The following CCSER2 variants were observed in gnomAD, a reference collection of about 807,000 sequenced individuals.
The protein encoded by CCSER2 is coiled-coil serine rich protein 2.
CCSER2 carries 46 observed loss-of-function variants against 92.3 expected under a neutral mutation model. The observed-to-expected ratio is 0.50, with a 90% confidence interval of 0.39 to 0.64. CCSER2 has a LOEUF of 0.64. Among genes scored for constraint, CCSER2 ranks in the 30% least tolerant of loss-of-function variants. The pLI, the probability that CCSER2 is intolerant of heterozygous loss-of-function variation, is 0.00. For missense variants in CCSER2, 1,244 were observed against 1,238.9 expected, an observed-to-expected ratio of 1.00 and a Z score of -0.06; for synonymous variants, 433 against 431.4, an observed-to-expected ratio of 1.00 and a Z score of -0.04.
intron 9 of CCSER2, chr10:84,499,893 T>G (rs767598121): frequency 6.2e-7 from 1 of 1,614,052 alleles, no homozygotes; most frequent in Non-Finnish European, 8.5e-7. Context: ...TTCTGCTCCC[T>G]CCTTCTCTCC....
chr10:84,338,298 A>C lies in CCSER2; in HGVS notation c.-40+9490A>C, dbSNP rs1000185070. Among the ~76,000 whole-genome samples, 28 of 39,444 alleles carry C rather than the reference A, an allele frequency of 7.1e-4. No homozygotes were observed. The East Asian group carries it at 8.3e-3, about 12-fold the overall frequency. The allele number at this position is 39,444 out of a possible 152,430, so 25.9% of individuals were successfully genotyped here. On this transcript the variant is annotated intron_variant, in intron 1 of 9. Transcript: ENST00000372088. ...AAACTCCAAAGAAAAACTTAAAAAAAAAAAAAACAAAAAAAAACCCCAAAA... is the reference window on the plus strand; with the variant it reads ...AAACTCCAAAGAAAAACTTAAAAAACAAAAAAACAAAAAAAAACCCCAAAA...
intron 9 of CCSER2, among the ~76,000 whole-genome samples, chr10:84,488,537 T>G (rs1189601257): frequency 1.3e-5 from 2 of 152,212 alleles, no homozygotes; most frequent in African/African-American, 4.8e-5. Flanking sequence ...TAGAGGTGTT[T>G]ATGGTATTCT....
At chr10:84,464,164 G>C (rs1048521454) in intron 7 of CCSER2, 148 bp downstream of exon 7, 8 of 531,372 alleles carry the variant, frequency 1.5e-5, no homozygotes, top group South Asian at 2.9e-5. Context: ...AAGTTGAAAT[G>C]ATATCTCTGT....
chr10:84,458,807 A>G (rs10887300), intron 6 of CCSER2, among the ~76,000 whole-genome samples: 7,049 of 152,182 alleles, frequency 0.046, 234 homozygotes, highest in East Asian at 0.16. Context: ...TTTAATATAC[A>G]GAGTCTGTGT....
chr10:84,413,758 CTAT>C (rs1278116526), intron 3 of CCSER2, among the ~76,000 whole-genome samples: 3 of 152,236 alleles, frequency 2.0e-5, no homozygotes, highest in Admixed American at 2.0e-4. Flanking sequence ...ATGTCTCCCA[CTAT>C]TATTGTGTGG....
chr10:84,401,838 C>G (rs747469751), intron 3 of CCSER2, among the ~76,000 whole-genome samples: 1 of 152,024 alleles, frequency 6.6e-6, no homozygotes, highest in Non-Finnish European at 1.5e-5. Context: ...TTTCTAGTGC[C>G]AGAGGCAGAG....
intron 3 of CCSER2, chr10:84,389,138 T>C (rs1439026128): frequency 4.2e-6 from 1 of 236,880 alleles, no homozygotes; most frequent in Non-Finnish European, 8.5e-6. Context: ...AATGATCCTT[T>C]ATTGAAATAT....
intron 9 of CCSER2, 78 bp from the exon 10 acceptor site, chr10:84,513,371 C>T (rs954899882): frequency 1.8e-6 from 2 of 1,096,500 alleles, no homozygotes; most frequent in Admixed American, 2.3e-5. Context: ...AGTACCAACA[C>T]AGCCTAATTG....
chr10:84,503,783 TC>T (rs1188490695), intron 9 of CCSER2, among the ~76,000 whole-genome samples: 3 of 152,220 alleles, frequency 2.0e-5, no homozygotes, highest in Non-Finnish European at 2.9e-5. Context: ...GGGAAAAAGT[TC>T]TTTTAAAACA....
intron 9 of CCSER2, among the ~76,000 whole-genome samples, chr10:84,483,666 C>T (rs574003261): frequency 2.6e-5 from 4 of 151,842 alleles, no homozygotes; most frequent in South Asian, 2.1e-4. Flanking sequence ...TGCAGGCAAA[C>T]GATTTATCTT....
At chr10:84,472,904 A>G (rs2133719545) in intron 8 of CCSER2, 1 of 152,292 alleles carries the variant, frequency 6.6e-6, no homozygotes, top group South Asian at 2.1e-4. Context: ...GTTGTTCCAA[A>G]AACATCCTGT....
chr10:84,516,392 T>G lies in CCSER2; in HGVS notation c.*2125T>G, dbSNP rs559145854. On this transcript the variant is annotated 3_prime_UTR_variant, in exon 10 of 10. Transcript: ENST00000372088. ...GGCAAATCAGCAAAGCACTTTGTTA[T>G]GGAGATGACCCATGATGGCTGCAGT... 3 of 152,324 alleles carry G rather than the reference T, an allele frequency of 2.0e-5. No individual in the cohort carries two copies. Among genetic ancestry groups the G allele is most frequent in the South Asian group, 2.1e-4 (1 of 4,826 alleles). The allele number at this position is 152,324 out of a possible 1,614,324, so 9.4% of individuals were successfully genotyped here.
chr10:84,364,942 A>G (rs1845704043), intron 1 of CCSER2, among the ~76,000 whole-genome samples: 1 of 151,976 alleles, frequency 6.6e-6, no homozygotes, highest in East Asian at 1.9e-4. Flanking sequence ...GGGTCTCACC[A>G]TATTGGCCAG....
chr10:84,391,368 A>G, intron 3 of CCSER2: 1 of 1,451,400 alleles, frequency 6.9e-7, no homozygotes, highest in Admixed American at 1.7e-5. Flanking sequence ...CTGGTAGCCC[A>G]AAGTAACATC....
intron 1 of CCSER2, among the ~76,000 whole-genome samples, chr10:84,350,134 C>G (rs766024340): frequency 6.6e-6 from 1 of 152,194 alleles, no homozygotes; most frequent in South Asian, 2.1e-4. Context: ...GCCTGGGTGA[C>G]AGCGAGATTC....
chr10:84,412,969 T>A (rs1363047304), intron 3 of CCSER2, among the ~76,000 whole-genome samples: 3 of 152,218 alleles, frequency 2.0e-5, no homozygotes, highest in Admixed American at 2.0e-4. Context: ...TTGTTTCTAT[T>A]TCTGTGGGGT....
chr10:84,399,763 T>C (rs1842019179), intron 3 of CCSER2, among the ~76,000 whole-genome samples: 1 of 151,808 alleles, frequency 6.6e-6, no homozygotes, highest in Non-Finnish European at 1.5e-5. Flanking sequence ...TTTGTTTTCA[T>C]TTATTTTTTA....
chr10:84,504,473 A>G (rs531837633), intron 9 of CCSER2, among the ~76,000 whole-genome samples: 1 of 152,252 alleles, frequency 6.6e-6, no homozygotes, highest in East Asian at 1.9e-4. Flanking sequence ...CTGAATGCCC[A>G]CCTTTGCCAT....
chr10:84,390,196 A>G (rs1841447544), intron 3 of CCSER2, among the ~76,000 whole-genome samples: 1 of 152,168 alleles, frequency 6.6e-6, no homozygotes, highest in Non-Finnish European at 1.5e-5. Flanking sequence ...ACAGGATTCA[A>G]TTCTAGTTTT....
Sources: gnomAD v4.1 joint callset for allele counts (sites outside exome capture counted in the v4.1 genomes callset) on GRCh38, gnomAD v4.1.1 for gene constraint, MANE v1.5 for transcripts, NCBI Gene and HGNC (gene_info 2026-07-23, HGNC 2026-07-21) for gene names.